SGCD: variants seen among roughly 807,000 people sequenced by gnomAD.
SGCD encodes delta-sarcoglycan.
A neutral mutation model predicts 36.6 loss-of-function variants in SGCD; 18 were observed. The ratio of observed to expected loss-of-function variants is 0.49; its 90% CI spans 0.34 to 0.73. The LOEUF (loss-of-function observed/expected upper bound fraction) is 0.73, where lower values mean the gene tolerates loss of function less well. Ranked by LOEUF, SGCD falls within the 30% of genes least tolerant of loss-of-function variation. The pLI, the probability that SGCD is intolerant of heterozygous loss-of-function variation, is 0.01. For synonymous variants in SGCD, 133 were observed against 130.6 expected, an observed-to-expected ratio of 1.02 and a Z score of -0.12; for missense variants, 387 against 346.7, an observed-to-expected ratio of 1.12 and a Z score of -0.92.
At chr5:155,913,891 G>A (rs1326664934) in intron 1 of SGCD, among the ~76,000 whole-genome samples, 1 of 152,202 alleles carries the variant, frequency 6.6e-6, no homozygotes, top group Non-Finnish European at 1.5e-5. Flanking sequence ...CAGTTTCCCT[G>A]CTACTAACCT....
rs1311804396 is a variant in SGCD, at chr5:156,765,745, AG to A, written c.*6356del. 1 of 152,162 alleles carries A rather than the reference AG, an allele frequency of 6.6e-6. No homozygotes were observed. The highest frequency in any genetic ancestry group is 1.5e-5 in the Non-Finnish European group (1 of 68,026). 9.4% of individuals were successfully genotyped at this position (152,162 alleles called of 1,614,324 possible). On this transcript the variant is annotated 3_prime_UTR_variant, in exon 9 of 9. Transcript: ENST00000337851. ...AAAGCCACTACCTAGAAAATGGCAGAGCTGGAATGTAGGTTTAACTCCTGAC... is the reference window on the plus strand; with the variant it reads ...AAAGCCACTACCTAGAAAATGGCAGACTGGAATGTAGGTTTAACTCCTGAC...
chr5:155,946,963 A>T (rs1757448824), intron 1 of SGCD, among the ~76,000 whole-genome samples: 2 of 152,220 alleles, frequency 1.3e-5, no homozygotes, highest in African/African-American at 4.8e-5. Context: ...AGAACCTGGC[A>T]GGAAAGATCA....
chr5:156,612,358 A>G (rs1248716624), intron 6 of SGCD, among the ~76,000 whole-genome samples: 1 of 152,206 alleles, frequency 6.6e-6, no homozygotes, highest in Non-Finnish European at 1.5e-5. Flanking sequence ...GATAGCTGTG[A>G]TTATGCCAGT....
At chr5:156,308,372 C>G (rs145114543) in intron 3 of SGCD, among the ~76,000 whole-genome samples, 1 of 151,566 alleles carries the variant, frequency 6.6e-6, no homozygotes, top group Admixed American at 6.6e-5. Context: ...AATCTCGGCT[C>G]ACTGAAAGCT....
intron 3 of SGCD, among the ~76,000 whole-genome samples, chr5:156,462,911 G>A (rs1203160039): frequency 6.6e-6 from 1 of 152,086 alleles, no homozygotes; most frequent in Non-Finnish European, 1.5e-5. Context: ...AACTTATGCA[G>A]ACTTATGAAT....
chr5:156,172,900 A>C (rs1763377628), intron 3 of SGCD, among the ~76,000 whole-genome samples: 1 of 151,888 alleles, frequency 6.6e-6, no homozygotes, highest in African/African-American at 2.4e-5. Context: ...GAATAAGGAG[A>C]CATGACAGTA....
chr5:155,915,773 G>T (rs1000777144), intron 1 of SGCD, among the ~76,000 whole-genome samples: 4 of 152,140 alleles, frequency 2.6e-5, no homozygotes, highest in African/African-American at 9.7e-5. Context: ...TTTTACAGCA[G>T]AAAAACTATA....
chr5:156,715,071 T>A (rs1755158506), intron 7 of SGCD, among the ~76,000 whole-genome samples: 1 of 152,194 alleles, frequency 6.6e-6, no homozygotes, highest in African/African-American at 2.4e-5. Flanking sequence ...TTGGCACAAT[T>A]CATTCCACCT....
chr5:155,893,502 A>G (rs1156499828), intron 1 of SGCD, among the ~76,000 whole-genome samples: 2 of 152,208 alleles, frequency 1.3e-5, no homozygotes, highest in Non-Finnish European at 2.9e-5. Context: ...ATATAGTTGA[A>G]TTATATAAAT....
At chr5:155,729,946 G>C in the SGCD span, among the ~76,000 whole-genome samples, 2 of 152,104 alleles carry the variant, frequency 1.3e-5, no homozygotes, top group African/African-American at 4.8e-5. Flanking sequence ...CAGCTCCTCC[G>C]GCTGGGCGGC....
intron 3 of SGCD, among the ~76,000 whole-genome samples, chr5:156,494,510 A>G (rs1458116101): frequency 1.3e-5 from 2 of 152,068 alleles, no homozygotes; most frequent in Non-Finnish European, 2.9e-5. Context: ...CTATTATAAG[A>G]CAGTTCTTTA....
chr5:156,346,490 G>A (rs1355325156), intron 3 of SGCD, among the ~76,000 whole-genome samples: 1 of 152,048 alleles, frequency 6.6e-6, no homozygotes, highest in Non-Finnish European at 1.5e-5. Context: ...GTAGAGATGG[G>A]TGTCTCACTG....
intron 3 of SGCD, among the ~76,000 whole-genome samples, chr5:156,196,933 C>T (rs1034712683): frequency 6.6e-6 from 1 of 152,100 alleles, no homozygotes; most frequent in African/African-American, 2.4e-5. Context: ...ATTAAAATGA[C>T]ATATGGACTA....
At chr5:156,005,428 TTTGTTG>T (rs5872447) in intron 1 of SGCD, among the ~76,000 whole-genome samples, 9,790 of 150,564 alleles carry the variant, frequency 0.065, 435 homozygotes, top group Middle Eastern at 0.12. Context: ...GTCTTCAGTT[TTTGTTG>T]TTGTTGTTGT....
At chr5:156,277,816 A>G (rs959006617) in intron 3 of SGCD, among the ~76,000 whole-genome samples, 2 of 152,192 alleles carry the variant, frequency 1.3e-5, no homozygotes, top group Admixed American at 6.6e-5. Context: ...TTGATCATTA[A>G]TATCTCCAAC....
chr5:156,502,828 A>T (rs1038944429), intron 3 of SGCD, among the ~76,000 whole-genome samples: 2 of 152,250 alleles, frequency 1.3e-5, no homozygotes, highest in South Asian at 2.1e-4. Context: ...CAAAGCTAGA[A>T]AGGAGACTAT....
the SGCD span, among the ~76,000 whole-genome samples, chr5:155,782,087 C>T: frequency 2.2e-4 from 33 of 150,338 alleles, no homozygotes; most frequent in East Asian, 1.6e-3. Context: ...TGCAGCAGCA[C>T]GATCTCAGCT....
At chr5:156,299,506 G>A (rs6878121) in intron 3 of SGCD, among the ~76,000 whole-genome samples, 2 of 151,774 alleles carry the variant, frequency 1.3e-5, no homozygotes, top group Admixed American at 1.3e-4. Flanking sequence ...TGCATTGAAT[G>A]TCTAGATTGT....
chr5:155,729,878 T>C, the SGCD span, among the ~76,000 whole-genome samples: 1 of 152,154 alleles, frequency 6.6e-6, no homozygotes, highest in East Asian at 1.9e-4. Context: ...CAGCACGGAG[T>C]TGGCTGGTCC....
Sources: gnomAD v4.1 joint callset for allele counts (sites outside exome capture counted in the v4.1 genomes callset) on GRCh38, gnomAD v4.1.1 for gene constraint, MANE v1.5 for transcripts, NCBI Gene and HGNC (gene_info 2026-07-23, HGNC 2026-07-21) for gene names.